Variants in SCHIP1 observed in about 807,000 individuals in gnomAD.
SCHIP1 encodes the protein schwannomin interacting protein 1.
A neutral mutation model predicts 29.7 loss-of-function variants in SCHIP1; 8 were observed. The observed-to-expected ratio is 0.27, with a 90% CI of 0.16 to 0.49. SCHIP1 has a LOEUF of 0.49. Among genes scored for constraint, SCHIP1 ranks in the 20% least tolerant of loss-of-function variants. The pLI is 0.99. For synonymous variants in SCHIP1, 76 were observed against 94.9 expected (o/e 0.80, Z 1.16); for missense variants, 193 against 294.6 (o/e 0.66, Z 2.52).
At chr3:159,345,665 T>C in the SCHIP1 span, among the ~76,000 whole-genome samples, 1 of 152,132 alleles carries the variant, frequency 6.6e-6, no homozygotes, top group African/African-American at 2.4e-5. Context: ...CTACTGCTTC[T>C]GAGTCCTTAT....
At chr3:159,818,100 C>G in the SCHIP1 span, among the ~76,000 whole-genome samples, 1 of 152,176 alleles carries the variant, frequency 6.6e-6, no homozygotes, top group Admixed American at 6.5e-5. Flanking sequence ...GCCAGCATAT[C>G]TTACACCCAA....
At chr3:159,544,589 C>A in the SCHIP1 span, among the ~76,000 whole-genome samples, 1 of 152,002 alleles carries the variant, frequency 6.6e-6, no homozygotes, top group African/African-American at 2.4e-5. Context: ...CATTTATTTT[C>A]CCTGAAGACT....
chr3:159,546,350 T>A, the SCHIP1 span, among the ~76,000 whole-genome samples: 1 of 152,134 alleles, frequency 6.6e-6, no homozygotes, highest in South Asian at 2.1e-4. Flanking sequence ...AACTGTAGTA[T>A]TTTCTGTACA....
chr3:159,703,354 C>A, the SCHIP1 span, among the ~76,000 whole-genome samples: 1 of 152,086 alleles, frequency 6.6e-6, no homozygotes, highest in Non-Finnish European at 1.5e-5. Flanking sequence ...TCTTATTAAC[C>A]TAAGAACACG....
At chr3:159,563,696 C>A in the SCHIP1 span, among the ~76,000 whole-genome samples, 2 of 152,000 alleles carry the variant, frequency 1.3e-5, no homozygotes, top group Non-Finnish European at 2.9e-5. Context: ...CATGGTGGTG[C>A]ACACCCGCAG....
intron 5 of SCHIP1, among the ~76,000 whole-genome samples, chr3:159,890,230 T>C (rs1250563663): frequency 6.6e-6 from 1 of 152,218 alleles, no homozygotes; most frequent in Non-Finnish European, 1.5e-5. Flanking sequence ...AGAGAAATGA[T>C]TCAAGCTTGG....
the SCHIP1 span, among the ~76,000 whole-genome samples, chr3:159,372,272 A>C: frequency 6.6e-6 from 1 of 152,280 alleles, no homozygotes; most frequent in South Asian, 2.1e-4. Context: ...ATTGTTAATT[A>C]GAATTGGGAA....
At chr3:159,637,722 G>C in the SCHIP1 span, among the ~76,000 whole-genome samples, 3 of 152,132 alleles carry the variant, frequency 2.0e-5, no homozygotes, top group Non-Finnish European at 4.4e-5. Flanking sequence ...CCTTTTGAGA[G>C]TTATCATTGC....
At chr3:159,309,867 A>G in the SCHIP1 span, among the ~76,000 whole-genome samples, 2 of 152,330 alleles carry the variant, frequency 1.3e-5, no homozygotes, top group East Asian at 1.9e-4. Context: ...AGTGTTTAAT[A>G]TATCTGAAGT....
intron 2 of SCHIP1, among the ~76,000 whole-genome samples, chr3:159,876,103 A>G (rs926785428): frequency 7.9e-5 from 12 of 152,166 alleles, no homozygotes; most frequent in African/African-American, 2.7e-4. Context: ...GTCATTGAAA[A>G]CACTATAAAA....
At chr3:159,505,983 C>A in the SCHIP1 span, among the ~76,000 whole-genome samples, 2 of 152,044 alleles carry the variant, frequency 1.3e-5, no homozygotes, top group East Asian at 3.9e-4. Flanking sequence ...GGGTATATAC[C>A]CAGTAATGGG....
At chr3:159,353,067 G>A in the SCHIP1 span, among the ~76,000 whole-genome samples, 1 of 152,036 alleles carries the variant, frequency 6.6e-6, no homozygotes, top group African/African-American at 2.4e-5. Context: ...TTTTAAATGT[G>A]GCTAGGCATT....
At chr3:159,399,262 G>A in the SCHIP1 span, among the ~76,000 whole-genome samples, 3 of 152,034 alleles carry the variant, frequency 2.0e-5, no homozygotes, top group South Asian at 2.1e-4. Flanking sequence ...CCCCTTCCCC[G>A]ACATATTACT....
At chr3:159,722,665 A>G in the SCHIP1 span, among the ~76,000 whole-genome samples, 1 of 152,156 alleles carries the variant, frequency 6.6e-6, no homozygotes, top group East Asian at 1.9e-4. Flanking sequence ...GTGTGCTTGT[A>G]TGCATATCAT....
the SCHIP1 span, among the ~76,000 whole-genome samples, chr3:159,762,288 A>G: frequency 6.6e-6 from 1 of 152,220 alleles, no homozygotes; most frequent in Admixed American, 6.5e-5. Context: ...GTTATTCCTA[A>G]GATTGCTGCT....
At chr3:159,616,122 G>T in the SCHIP1 span, among the ~76,000 whole-genome samples, 4 of 150,060 alleles carry the variant, frequency 2.7e-5, no homozygotes, top group Middle Eastern at 3.2e-3. Flanking sequence ...TTTCCTGAGA[G>T]CTGACCTGGA....
the SCHIP1 span, among the ~76,000 whole-genome samples, chr3:159,678,433 A>G: frequency 6.6e-6 from 1 of 152,240 alleles, no homozygotes; most frequent in South Asian, 2.1e-4. Flanking sequence ...CAGCTCTAGT[A>G]GACACATTTT....
the SCHIP1 span, among the ~76,000 whole-genome samples, chr3:159,637,079 A>T: frequency 2.6e-5 from 4 of 152,222 alleles, no homozygotes; most frequent in Admixed American, 6.5e-5. Context: ...GGTTTATTTA[A>T]TGTAAGAACA....
the SCHIP1 span, among the ~76,000 whole-genome samples, chr3:159,515,787 G>A: frequency 6.6e-6 from 1 of 152,078 alleles, no homozygotes; most frequent in East Asian, 1.9e-4. Context: ...ATTCTTTATT[G>A]GAAAGCATTT....
Sources: allele counts gnomAD v4.1 joint callset (sites outside exome capture counted in the v4.1 genomes callset), GRCh38; gene constraint gnomAD v4.1.1; transcripts MANE v1.5; gene names NCBI Gene and HGNC (gene_info 2026-07-23, HGNC 2026-07-21).